GPC5: variants seen among roughly 807,000 people sequenced by gnomAD.
GPC5 encodes the protein glypican 5.
In GPC5, 47 loss-of-function variants were observed where a neutral mutation model predicts 53.9. The ratio of observed to expected loss-of-function variants is 0.87; its 90% CI spans 0.69 to 1.11. GPC5 has a LOEUF of 1.11. Ranked by LOEUF, GPC5 falls within the 50% of genes most tolerant of loss-of-function variation. The pLI, the probability that GPC5 is intolerant of heterozygous loss-of-function variation, is 0.00. For synonymous variants in GPC5, 286 were observed against 263.3 expected, an observed-to-expected ratio of 1.09 and a Z score of -0.84; for missense variants, 748 against 713.1, an observed-to-expected ratio of 1.05 and a Z score of -0.56.
rs141343949 is a variant in GPC5, at chr13:92,738,807, T to C, written c.1562-127475T>C. ...AAAAAGGTTTACATGGTTCAGTAGA[T>C]TTGGGAAGCCATACGTTGCATATCA... On this transcript the variant is annotated intron_variant, in intron 7 of 7. Coordinates refer to ENST00000377067, the MANE Select transcript of GPC5 (RefSeq NM_004466.6). 2.0e-5 allele frequency among the ~76,000 whole-genome samples: 3 copies of C among 152,184 alleles called. No individual in the cohort carries two copies. In the East Asian group the frequency reaches 5.8e-4, roughly 29 times the overall value.
chr13:91,805,729 A>G (rs1467565881), intron 5 of GPC5, among the ~76,000 whole-genome samples: 2 of 152,202 alleles, frequency 1.3e-5, no homozygotes, highest in African/African-American at 2.4e-5. Context: ...TGACCTGGAC[A>G]TACTTAAAGA....
intron 7 of GPC5, among the ~76,000 whole-genome samples, chr13:92,591,564 T>C (rs11620216): frequency 0.16 from 23,647 of 152,208 alleles, 2,304 homozygotes; most frequent in Non-Finnish European, 0.22. Flanking sequence ...GTTAATACAT[T>C]GATTACCACA....
At chr13:91,495,761 G>A (rs9589258) in intron 2 of GPC5, among the ~76,000 whole-genome samples, 6,612 of 152,292 alleles carry the variant, frequency 0.043, 427 homozygotes, top group African/African-American at 0.14. Flanking sequence ...GGCGGCTCAC[G>A]CCTGGAATCC....
rs369867812 is a variant in GPC5 at position 91,919,738 on chromosome 13, A to C, written c.1401+11681A>C. 3.2e-3 allele frequency among the ~76,000 whole-genome samples: 490 copies of C among 152,260 alleles called. 2 individuals are homozygous for C. The highest frequency in any genetic ancestry group is 0.011 in the African/African-American group (474 of 41,538). ...CTTGCAGTCTTTCTGGGGAAAAAAA[A>C]AATGTACCAGGAAGGCTCCTCATTC... On this transcript the variant is annotated intron_variant, in intron 6 of 7. Coordinates refer to ENST00000377067, the MANE Select transcript of GPC5 (RefSeq NM_004466.6).
intron 1 of GPC5, among the ~76,000 whole-genome samples, chr13:91,427,442 G>T (rs767086881): frequency 1.5e-4 from 23 of 152,150 alleles, no homozygotes; most frequent in Admixed American, 2.6e-4. Flanking sequence ...AAGTTTTAAT[G>T]CCTTCCCTGA....
At chr13:92,173,267 T>A (rs1464527469) in intron 7 of GPC5, among the ~76,000 whole-genome samples, 1 of 152,136 alleles carries the variant, frequency 6.6e-6, no homozygotes, top group Admixed American at 6.5e-5. Context: ...AAATTTGTTT[T>A]CCTGGCCACC....
chr13:92,497,186 G>A (rs944375571), intron 7 of GPC5, among the ~76,000 whole-genome samples: 23 of 152,116 alleles, frequency 1.5e-4, no homozygotes, highest in Non-Finnish European at 3.1e-4. Flanking sequence ...GCCAATGCCT[G>A]TGTCCTGATT....
chr13:91,508,953 A>G (rs1885091176), intron 2 of GPC5, among the ~76,000 whole-genome samples: 1 of 152,146 alleles, frequency 6.6e-6, no homozygotes, highest in South Asian at 2.1e-4. Context: ...GCCTGACCTC[A>G]AAGCTTGTGT....
intron 7 of GPC5, among the ~76,000 whole-genome samples, chr13:92,165,471 T>C (rs1191672181): frequency 6.6e-6 from 1 of 152,084 alleles, no homozygotes; most frequent in Admixed American, 6.6e-5. Flanking sequence ...CCTCAGAAAC[T>C]TACAATCATG....
intron 7 of GPC5, among the ~76,000 whole-genome samples, chr13:92,659,910 G>C (rs1289208954): frequency 1.3e-5 from 2 of 152,134 alleles, no homozygotes; most frequent in South Asian, 2.1e-4. Context: ...GGCAGAGTGG[G>C]AGGCATCAGA....
chr13:92,045,054 G>A (rs893340110), intron 6 of GPC5, among the ~76,000 whole-genome samples: 2 of 152,164 alleles, frequency 1.3e-5, no homozygotes, highest in African/African-American at 2.4e-5. Context: ...TAGATGCATA[G>A]TTGGTTTAGA....
At chr13:92,221,411 C>G (rs2042447510) in intron 7 of GPC5, among the ~76,000 whole-genome samples, 1 of 152,156 alleles carries the variant, frequency 6.6e-6, no homozygotes, top group African/African-American at 2.4e-5. Flanking sequence ...TCTCAGCAAT[C>G]ATAGTGTTGT....
chr13:92,469,868 G>A (rs1268849778), intron 7 of GPC5, among the ~76,000 whole-genome samples: 1 of 152,038 alleles, frequency 6.6e-6, no homozygotes, highest in East Asian at 1.9e-4. Context: ...CTGAGACAAT[G>A]AGGTACATGT....
At chr13:92,340,885 G>A (rs867859054) in intron 7 of GPC5, among the ~76,000 whole-genome samples, 2 of 152,098 alleles carry the variant, frequency 1.3e-5, no homozygotes, top group South Asian at 2.1e-4. Context: ...TAGTGTCATC[G>A]GATAGGCCAA....
chr13:92,445,524 T>A (rs1352151325), intron 7 of GPC5, among the ~76,000 whole-genome samples: 1 of 138,452 alleles, frequency 7.2e-6, no homozygotes, highest in Non-Finnish European at 1.5e-5. Context: ...GTCCATGTGT[T>A]CTCATTGTTC....
intron 7 of GPC5, among the ~76,000 whole-genome samples, chr13:92,592,441 A>T (rs557177096): frequency 6.6e-6 from 1 of 151,468 alleles, no homozygotes; most frequent in Non-Finnish European, 1.5e-5. Context: ...CACCCTTCTT[A>T]TATTCAAGAA....
chr13:92,143,548 A>C (rs2041846246), intron 6 of GPC5, among the ~76,000 whole-genome samples: 1 of 152,136 alleles, frequency 6.6e-6, no homozygotes. Context: ...CTTCTTTTTA[A>C]TTTAATGCCA....
At chr13:92,596,600 A>C (rs183336793) in intron 7 of GPC5, among the ~76,000 whole-genome samples, 1 of 151,966 alleles carries the variant, frequency 6.6e-6, no homozygotes, top group Non-Finnish European at 1.5e-5. Flanking sequence ...CAGCCTCCCA[A>C]GTAGCTGGGA....
chr13:92,536,502 TAC>T (rs1400276676), intron 7 of GPC5, among the ~76,000 whole-genome samples: 1 of 152,146 alleles, frequency 6.6e-6, no homozygotes, highest in African/African-American at 2.4e-5. Context: ...TGGTAATTTA[TAC>T]AGGTGGCGCT....
Sources: allele counts gnomAD v4.1 joint callset (sites outside exome capture counted in the v4.1 genomes callset), GRCh38; gene constraint gnomAD v4.1.1; transcripts MANE v1.5; gene names NCBI Gene and HGNC (gene_info 2026-07-23, HGNC 2026-07-21).